PHF7: variants seen among roughly 807,000 people sequenced by gnomAD.
PHF7 encodes PHD finger protein 7.
Under a neutral mutation model 47.5 loss-of-function variants are expected in PHF7, and 24 were observed. The ratio of observed to expected loss-of-function variants is 0.51; its 90% CI spans 0.37 to 0.71. PHF7 has a LOEUF of 0.71. PHF7 is among the 30% of genes least tolerant of loss of function. The pLI is 0.00. For synonymous variants in PHF7, 156 were observed against 153.8 expected (o/e 1.01, Z -0.11); for missense variants, 361 against 456.8 (o/e 0.79, Z 1.91).
In PHF7 at chr3:52,413,844, T is replaced by A. The variant is rs986372169; in HGVS notation, c.42-152T>A. ...AGCAAGACTCTGTCTCAAAAACATA[T>A]ATATGTGAAATATGAAAAGAAGCTG... On this transcript the variant is annotated intron_variant, in intron 2 of 10. Coordinates refer to ENST00000327906, the MANE Select transcript of PHF7 (RefSeq NM_016483.7). The A allele has an allele frequency of 4.9e-6, 3 of 614,814 alleles. No homozygotes were observed. The African/African-American group carries it at 5.6e-5, about 11-fold the overall frequency. The allele number at this position is 614,814 out of a possible 1,614,324, so 38.1% of individuals were successfully genotyped here.
Position 52,414,559 on chromosome 3 carries a change from A to G in PHF7, c.158A>G (p.Asp53Gly), listed in dbSNP as rs540208129. ...PEKLGEFLQK[D>G]NISVHYFCLI... ...AAATTAGGGGAATTTCTTCAGAAAG[A>G]CAATATCAGCGTGCATTATTTCTGT... Residue 53 changes from aspartate (D) to glycine (G), a missense_variant, in exon 4 of 11, where the codon GAC becomes GGC. Asp to Gly is a moderately conservative substitution (Grantham distance 94). Transcript: ENST00000327906. The G allele has an allele frequency of 1.9e-6, 3 of 1,612,358 alleles. No individual in the cohort carries two copies. In the South Asian group the frequency reaches 3.3e-5, roughly 18 times the overall value.
chr3:52,414,299 T>C (rs186541059), intron 3 of PHF7, among the ~76,000 whole-genome samples, 197 bp from the exon 4 acceptor site: 2 of 152,334 alleles, frequency 1.3e-5, no homozygotes, highest in East Asian at 3.9e-4. Context: ...TGTGGCCAAC[T>C]TTTTCATTGT....
intron 4 of PHF7, among the ~76,000 whole-genome samples, chr3:52,418,798 C>A (rs1373966785): frequency 6.6e-6 from 1 of 151,802 alleles, no homozygotes; most frequent in African/African-American, 2.4e-5. Flanking sequence ...TAGCATCTGC[C>A]ATTACAGGAA....
intron 4 of PHF7, among the ~76,000 whole-genome samples, chr3:52,419,394 CCT>C (rs1356568098): frequency 6.6e-6 from 1 of 151,864 alleles, no homozygotes; most frequent in Non-Finnish European, 1.5e-5. Flanking sequence ...AATAAATTAC[CCT>C]GTCAATGCAT....
At chr3:52,420,194 C>G (rs1000182619) in intron 5 of PHF7, 117 bp from the exon 6 acceptor site, 1 of 1,175,676 alleles carries the variant, frequency 8.5e-7, no homozygotes, top group South Asian at 1.2e-5. Flanking sequence ...TTCAGGACCA[C>G]TGAAGATAGG....
At position 52,423,483 on chromosome 3, in the gene PHF7, T is replaced by G. The variant is rs1249616216; in HGVS notation, c.*166T>G. The G allele has an allele frequency of 6.9e-6, 4 of 580,652 alleles. No individual in the cohort carries two copies. The highest frequency in any genetic ancestry group is 3.2e-5 in the Admixed American group (1 of 31,040). The allele number at this position is 580,652 out of a possible 1,614,324, so 36.0% of individuals were successfully genotyped here. On this transcript the variant is annotated 3_prime_UTR_variant, in exon 11 of 11. Coordinates refer to ENST00000327906, the MANE Select transcript of PHF7 (RefSeq NM_016483.7). ...TCAGTGGAGCATGAGGAGGGAGCAG[T>G]CCAGATGCCAACAAGGAAATGCGTT...
intron 4 of PHF7, among the ~76,000 whole-genome samples, chr3:52,415,886 C>T (rs2153229006): frequency 6.6e-6 from 1 of 152,326 alleles, no homozygotes; most frequent in South Asian, 2.1e-4. Flanking sequence ...TTTCACTTCT[C>T]TTGTGCAGAT....
In PHF7 at chr3:52,423,113, G is replaced by T. The variant is rs755920344; in HGVS notation, c.942G>T (p.Gly314=). ...AATDYIPENS[G]DIPCCSSTFH... is the part of the protein sequence containing the mutation. ...CAGACTACATACCTGAAAACTCAGG[G>T]GACATCCCTTGCTGCAGCAGCACCT... is the stretch of plus-strand genomic sequence containing the variant. The change falls in exon 11 of 11, where the codon GGG becomes GGT. Residue 314 remains glycine (G), a synonymous_variant. Transcript: ENST00000327906. 3.5e-5 allele frequency: 56 copies of T among 1,612,996 alleles called. No individual in the cohort carries two copies. Among genetic ancestry groups the T allele is most frequent in the Non-Finnish European group, 4.5e-5 (53 of 1,179,116 alleles).
rs1270954648 is a variant in PHF7, at chr3:52,410,953, A to C, written c.-364A>C. ...CCGGGGAACGGTTGTGACCACACCG[A>C]CACGTATTTTACAGATAAATCATTC... On this transcript the variant is annotated 5_prime_UTR_variant, in exon 1 of 11. Transcript: ENST00000327906. 3 of 152,258 alleles carry C rather than the reference A, an allele frequency of 2.0e-5. No individual in the cohort carries two copies. Among genetic ancestry groups the C allele is most frequent in the Non-Finnish European group, 4.4e-5 (3 of 68,046 alleles). 9.4% of individuals were successfully genotyped at this position (152,258 alleles called of 1,614,324 possible).
intron 5 of PHF7, 127 bp downstream of exon 5, chr3:52,420,061 GTCC>G: frequency 2.8e-6 from 2 of 720,620 alleles, no homozygotes; most frequent in Admixed American, 4.9e-5. Context: ...TTTCCAACTA[GTCC>G]TTAAGTCCCA....
intron 4 of PHF7, among the ~76,000 whole-genome samples, chr3:52,418,068 C>T (rs1277672212): frequency 6.6e-6 from 1 of 152,096 alleles, no homozygotes; most frequent in African/African-American, 2.4e-5. Flanking sequence ...TTTGTTACAT[C>T]AACTAAATGC....
rs1210577661 is a variant in PHF7 at position 52,423,285 on chromosome 3, A to C, written c.1114A>C (p.Arg372=). 4 of 1,613,600 alleles carry C rather than the reference A, an allele frequency of 2.5e-6. No homozygotes were observed. The Admixed American group carries it at 6.7e-5, about 27-fold the overall frequency. The change falls in exon 11 of 11, where the codon AGA becomes CGA. Residue 372 remains arginine, a synonymous_variant. Coordinates refer to ENST00000327906, the MANE Select transcript of PHF7 (RefSeq NM_016483.7). ...CTACTCCTGGAGGTCCAAGGGTGTC[A>C]GAATCACTAACAGCTGCAAAAAATC... The part of the protein sequence containing the change: ...RSYSWRSKGV[R]ITNSCKKSK
At chr3:52,419,711 A>G (rs916452413) in intron 4 of PHF7, 122 bp from the exon 5 acceptor site, 11 of 715,836 alleles carry the variant, frequency 1.5e-5, no homozygotes, top group African/African-American at 5.3e-5. Flanking sequence ...GATTACAGGC[A>G]TGAGCCACCA....
chr3:52,419,551 C>T (rs1370338530), intron 4 of PHF7, among the ~76,000 whole-genome samples: 1 of 152,092 alleles, frequency 6.6e-6, no homozygotes, highest in African/African-American at 2.4e-5. Context: ...CTGCCTCAGC[C>T]TCCTGAGTAG....
At position 52,423,156 on chromosome 3, in the gene PHF7, T is replaced by C. The variant is rs747685457; in HGVS notation, c.985T>C (p.Phe329Leu). The C allele has an allele frequency of 6.2e-7, 1 of 1,614,084 alleles. No individual in the cohort carries two copies. The highest frequency in any genetic ancestry group is 2.2e-5 in the East Asian group (1 of 44,884). The change falls in exon 11 of 11, where the codon TTC (phenylalanine) becomes CTC (leucine). Residue 329 changes from phenylalanine (F) to leucine (L), a missense_variant. Transcript: ENST00000327906. The part of the protein sequence containing the change: ...CSSTFHPEEH[F>L]CRDNTLEENP... ...CAGCACCTTCCACCCTGAGGAACAT[T>C]TCTGCAGAGACAACACCTTGGAAGA...
intron 4 of PHF7, among the ~76,000 whole-genome samples, chr3:52,417,988 T>C (rs1705673136): frequency 6.6e-6 from 1 of 152,226 alleles, no homozygotes; most frequent in Non-Finnish European, 1.5e-5. Flanking sequence ...TGAATGGGTG[T>C]TGAATTTTCT....
chr3:52,411,657 C>A (rs961110237), intron 1 of PHF7, among the ~76,000 whole-genome samples: 1 of 152,248 alleles, frequency 6.6e-6, no homozygotes, highest in Non-Finnish European at 1.5e-5. Flanking sequence ...TTCTCCTCTC[C>A]CCTGACTAGA....
intron 4 of PHF7, among the ~76,000 whole-genome samples, chr3:52,415,656 T>G (rs1705600878): frequency 6.6e-6 from 1 of 152,246 alleles, no homozygotes; most frequent in African/African-American, 2.4e-5. Flanking sequence ...TGTATCTGGC[T>G]TTTTTCTCCC....
chr3:52,420,805 G>A (rs1705763089), intron 6 of PHF7, 98 bp from the exon 7 acceptor site: 1 of 1,069,830 alleles, frequency 9.3e-7, no homozygotes, highest in South Asian at 1.5e-5. Flanking sequence ...GAGGTTCACT[G>A]GGCACCAGCC....
Sources: allele counts gnomAD v4.1 joint callset (sites outside exome capture counted in the v4.1 genomes callset), GRCh38; gene constraint gnomAD v4.1.1; transcripts MANE v1.5; gene names NCBI Gene and HGNC (gene_info 2026-07-23, HGNC 2026-07-21).